The following KRT83 variants were observed in gnomAD, a reference collection of about 807,000 sequenced individuals.
KRT83 encodes the protein keratin, type II cuticular Hb3.
In KRT83, 51 loss-of-function variants were observed where a neutral mutation model predicts 52.9. That is an observed-to-expected ratio of 0.96 (90% CI 0.77 to 1.22). The LOEUF is 1.22. KRT83 is among the 50% of genes most tolerant of loss of function. The pLI is 0.00. For missense variants in KRT83, 654 were observed against 666.5 expected (o/e 0.98, Z 0.21); for synonymous variants, 278 against 274.1 (o/e 1.01, Z -0.14).
rs143421759 is a variant in KRT83, at chr12:52,317,568, C to T, written c.750+113G>A. 188 of 1,237,658 alleles carry T rather than the reference C, an allele frequency of 1.5e-4. 1 individual carries two copies. The East Asian group carries it at 2.3e-3, about 15-fold the overall frequency. The allele number at this position is 1,237,658 out of a possible 1,614,324, so 76.7% of individuals were successfully genotyped here. A position where few individuals can be genotyped will look rare whatever the true frequency, so the allele number is the denominator to read the frequency against. ...CCTTGCTCCCTGCCAACCCTCCAGC[C>T]GTGAGCCTGGGTTCATATGTCAGCA... On this transcript the variant is annotated intron_variant, in intron 4 of 8. Coordinates refer to ENST00000293670, the MANE Select transcript of KRT83 (RefSeq NM_002282.3).
rs1411252962 is a variant in KRT83, at chr12:52,314,626, G to A, written c.*5C>T. On this transcript the variant is annotated 3_prime_UTR_variant, in exon 9 of 9. Transcript: ENST00000293670. ...AGGGGCTCCCCTGGCTCTCTTTTGG[G>A]CCACTTAATGCCTCCCCTGGCCGCA... 6.4e-7 allele frequency: 1 copy of A among 1,559,578 alleles called. No individual in the cohort carries two copies. Among genetic ancestry groups the A allele is most frequent in the Non-Finnish European group, 8.7e-7 (1 of 1,151,896 alleles).
chr12:52,314,805 G>T lies in KRT83; in HGVS notation c.1308C>A (p.Ser436=), dbSNP rs1327347999. 5.6e-6 allele frequency: 9 copies of T among 1,605,600 alleles called. No homozygotes were observed. Among genetic ancestry groups the T allele is most frequent in the Admixed American group, 3.4e-5 (2 of 59,290 alleles). ...GATCCCCGCACACAACCCCACCCCG[G>T]GAGCTGCTGACACCTGTGGGAACAA... ...VEAVNVCVSS[S]RGGVVCGDLC... is the part of the protein sequence containing the mutation. The change falls in exon 9 of 9, where the codon TCC becomes TCA. Residue 436 remains serine, a synonymous_variant. Coordinates refer to ENST00000293670, the MANE Select transcript of KRT83 (RefSeq NM_002282.3).
chr12:52,314,805 G>C lies in KRT83; in HGVS notation c.1308C>G (p.Ser436=). 6.2e-7 allele frequency: 1 copy of C among 1,605,718 alleles called. No homozygotes were observed. The highest frequency in any genetic ancestry group is 1.3e-5 in the African/African-American group (1 of 74,920). ...GATCCCCGCACACAACCCCACCCCG[G>C]GAGCTGCTGACACCTGTGGGAACAA... ...VEAVNVCVSS[S]RGGVVCGDLC... is the part of the protein sequence containing the mutation. The change falls in exon 9 of 9, where the codon TCC becomes TCG. Residue 436 remains serine, a synonymous_variant. Coordinates refer to ENST00000293670, the MANE Select transcript of KRT83 (RefSeq NM_002282.3).
Position 52,321,060 on chromosome 12 carries a change from G to A in KRT83, c.276C>T (p.Leu92=), listed in dbSNP as rs1331669009. Residue 92 remains leucine, a synonymous_variant, in exon 1 of 9, where the codon CTC becomes CTT. Coordinates refer to ENST00000293670, the MANE Select transcript of KRT83 (RefSeq NM_002282.3). The part of the protein sequence containing the change: ...CITTVSVNES[L]LTPLNLEIDP... Reference sequence around the variant, plus strand: ...CTATCTCCAGGTTGAGGGGCGTGAGGAGGCTCTCGTTGACCGACACGGTGG... The same window carrying A: ...CTATCTCCAGGTTGAGGGGCGTGAGAAGGCTCTCGTTGACCGACACGGTGG... 4 of 1,612,560 alleles carry A rather than the reference G, an allele frequency of 2.5e-6. No individual in the cohort carries two copies. The highest frequency in any genetic ancestry group is 1.1e-5 in the South Asian group (1 of 91,010).
chr12:52,316,666 C>A (rs1466058989), intron 5 of KRT83, 73 bp from the exon 6 acceptor site: 4 of 1,612,308 alleles, frequency 2.5e-6, no homozygotes, highest in Non-Finnish European at 2.5e-6. Flanking sequence ...CAGATGATTG[C>A]ACAGATTGTG....
In KRT83 at chr12:52,314,642, C is replaced by T. The variant is rs767352531; in HGVS notation, c.1471G>A (p.Gly491Arg). 1 of 1,568,230 alleles carries T rather than the reference C, an allele frequency of 6.4e-7. No individual in the cohort carries two copies. The highest frequency in any genetic ancestry group is 1.2e-5 in the South Asian group (1 of 85,196). Residue 491 changes from glycine (G) to arginine (R), a missense_variant, in exon 9 of 9, where the codon GGG becomes AGG. By Grantham distance (125) the Gly-to-Arg change is moderately radical (BLOSUM62 -2). Coordinates refer to ENST00000293670, the MANE Select transcript of KRT83 (RefSeq NM_002282.3). ...TTCGGGSCGQ[G>R]RH ...CTCTTTTGGGCCACTTAATGCCTCCCCTGGCCGCAGGAGCCCCCTCCACAG... is the reference window on the plus strand; with the variant it reads ...CTCTTTTGGGCCACTTAATGCCTCCTCTGGCCGCAGGAGCCCCCTCCACAG...
At chr12:52,318,523 C>T (rs1161724814) in intron 2 of KRT83, among the ~76,000 whole-genome samples, 2 of 152,170 alleles carry the variant, frequency 1.3e-5, no homozygotes, top group African/African-American at 4.8e-5. Context: ...CTGTCTCTCC[C>T]CTCCTGGCCT....
Position 52,321,029 on chromosome 12 carries a change from T to C in KRT83, c.307A>G (p.Asn103Asp). The C allele has an allele frequency of 1.2e-6, 2 of 1,613,114 alleles. No individual in the cohort carries two copies. Among genetic ancestry groups the C allele is most frequent in the South Asian group, 2.2e-5 (2 of 91,032 alleles). ...TCCTCCTGCTTCACGCACTGCGCGTTGGGGTCTATCTCCAGGTTGAGGGGC... is the reference window on the plus strand; with the variant it reads ...TCCTCCTGCTTCACGCACTGCGCGTCGGGGTCTATCTCCAGGTTGAGGGGC... Reference protein sequence around the residue: ...LTPLNLEIDPNAQCVKQEEKE... With the variant: ...LTPLNLEIDPDAQCVKQEEKE... Residue 103 changes from asparagine to aspartate, a missense_variant, in exon 1 of 9, where the codon AAC becomes GAC. Asn to Asp is a conservative substitution (Grantham distance 23). Coordinates refer to ENST00000293670, the MANE Select transcript of KRT83 (RefSeq NM_002282.3).
At chr12:52,315,726 C>A (rs1034054832) in intron 7 of KRT83, among the ~76,000 whole-genome samples, 167 bp downstream of exon 7, 5 of 152,168 alleles carry the variant, frequency 3.3e-5, no homozygotes, top group Admixed American at 6.5e-5. Context: ...TCCAAGAAAC[C>A]AGGCAGGGTA....
chr12:52,316,411 T>C, intron 6 of KRT83, 57 bp downstream of exon 6: 1 of 1,612,052 alleles, frequency 6.2e-7, no homozygotes, highest in East Asian at 2.2e-5. Context: ...CAAATCCCTC[T>C]GCCGAGGGCT....
At chr12:52,317,083 A>C in intron 4 of KRT83, 60 bp from the exon 5 acceptor site, 1 of 1,609,938 alleles carries the variant, frequency 6.2e-7, no homozygotes, top group South Asian at 1.1e-5. Flanking sequence ...TAATCCCTGG[A>C]TGCCTATCAT....
chr12:52,314,647 C>T lies in KRT83; in HGVS notation c.1466G>A (p.Gly489Asp). The T allele has an allele frequency of 1.3e-6, 2 of 1,570,156 alleles. No individual in the cohort carries two copies. Among genetic ancestry groups the T allele is most frequent in the African/African-American group, 2.7e-5 (2 of 74,228 alleles). The change falls in exon 9 of 9, where the codon GGC becomes GAC. Residue 489 changes from glycine (G) to aspartate (D), a missense_variant. Transcript: ENST00000293670. ...LNTTCGGGSC[G>D]QGRH ...TTGGGCCACTTAATGCCTCCCCTGG[C>T]CGCAGGAGCCCCCTCCACAGGTGGT...
intron 2 of KRT83, among the ~76,000 whole-genome samples, chr12:52,318,711 G>A (rs13377620): frequency 0.12 from 18,703 of 152,220 alleles, 1,551 homozygotes; most frequent in East Asian, 0.41. Flanking sequence ...CTAGATCTGT[G>A]GCTCTGTCAT....
Position 52,316,098 on chromosome 12 carries a change from C to T in KRT83, c.1057G>A (p.Ala353Thr). Residue 353 changes from alanine to threonine, a missense_variant, in exon 7 of 9, where the codon GCT (alanine) becomes ACT (threonine). Coordinates refer to ENST00000293670, the MANE Select transcript of KRT83 (RefSeq NM_002282.3). ...NAKCQNSKLE[A>T]AVAQSEQQGE... The stretch of plus-strand genomic sequence containing the variant: ...TGCTGCTCAGACTGGGCCACCGCAG[C>T]TTCCAGCTTGGAGTTCTGGGAGGTA... 6.2e-7 allele frequency: 1 copy of T among 1,613,594 alleles called. No individual in the cohort carries two copies. Among genetic ancestry groups the T allele is most frequent in the East Asian group, 2.2e-5 (1 of 44,878 alleles).
chr12:52,317,996 C>T, intron 2 of KRT83, 26 bp from the exon 3 acceptor site: 3 of 1,600,552 alleles, frequency 1.9e-6, no homozygotes, highest in South Asian at 1.1e-5. Flanking sequence ...AGAACAGGAC[C>T]TTGTCTGAAC....
Position 52,317,844 on chromosome 12 carries a change from T to C in KRT83, c.654+66A>G. Reference sequence around the variant, plus strand: ...GGGCTCTGAGGACCTGGCTGCCATGTGGCAGGACAAAGAGGATGGGTGGCG... The same window carrying C: ...GGGCTCTGAGGACCTGGCTGCCATGCGGCAGGACAAAGAGGATGGGTGGCG... On this transcript the variant is annotated intron_variant, in intron 3 of 8. Transcript: ENST00000293670. 5 of 1,610,614 alleles carry C rather than the reference T, an allele frequency of 3.1e-6. No individual in the cohort carries two copies. In the Admixed American group the frequency reaches 8.3e-5, roughly 27 times the overall value.
intron 4 of KRT83, 147 bp from the exon 5 acceptor site, chr12:52,317,170 A>G (rs554752998): frequency 9.1e-7 from 1 of 1,097,984 alleles, no homozygotes; most frequent in South Asian, 1.5e-5. Context: ...TTCTGCACAA[A>G]TAGGAAATCC....
rs1345133049 is a variant in KRT83 at position 52,314,495 on chromosome 12, T to G, written c.*136A>C. ...GGGATGAAAGGTGGGGAGGAGCCGCTGGTGGGAATGAGCCGATGGTGTATT... is the reference window on the plus strand; with the variant it reads ...GGGATGAAAGGTGGGGAGGAGCCGCGGGTGGGAATGAGCCGATGGTGTATT... On this transcript the variant is annotated 3_prime_UTR_variant, in exon 9 of 9. Transcript: ENST00000293670. The G allele has an allele frequency of 1.2e-6, 1 of 837,156 alleles. No individual in the cohort carries two copies. The highest frequency in any genetic ancestry group is 2.7e-5 in the East Asian group (1 of 37,562). The allele number at this position is 837,156 out of a possible 1,614,324, so 51.9% of individuals were successfully genotyped here.
At position 52,321,162 on chromosome 12, in the gene KRT83, G is replaced by A. The variant is rs770899040; in HGVS notation, c.174C>T (p.Gly58=). ...TGCGTCCGCAGGAGCCGGCGCGGAA[G>A]CCCCCGCACACGCTGTGGCTGCCAA... is the stretch of plus-strand genomic sequence containing the variant. ...GGFGSHSVCG[G]FRAGSCGRSF... The change falls in exon 1 of 9, where the codon GGC becomes GGT. Residue 58 remains glycine (G), a synonymous_variant. Coordinates refer to ENST00000293670, the MANE Select transcript of KRT83 (RefSeq NM_002282.3). 6 of 1,612,416 alleles carry A rather than the reference G, an allele frequency of 3.7e-6. No homozygotes were observed. In the Admixed American group the frequency reaches 5.0e-5, roughly 13 times the overall value.
Sources: gnomAD v4.1 joint callset for allele counts (sites outside exome capture counted in the v4.1 genomes callset) on GRCh38, gnomAD v4.1.1 for gene constraint, MANE v1.5 for transcripts, NCBI Gene and HGNC (gene_info 2026-07-23, HGNC 2026-07-21) for gene names.